The following MINDY3 variants were observed in gnomAD, a reference collection of about 807,000 sequenced individuals.
The protein encoded by MINDY3 is ubiquitin carboxyl-terminal hydrolase MINDY-3.
A neutral mutation model predicts 69.2 loss-of-function variants in MINDY3; 38 were observed. The observed-to-expected ratio is 0.55, with a 90% CI of 0.42 to 0.72. The LOEUF (loss-of-function observed/expected upper bound fraction) is 0.72, where lower values mean the gene tolerates loss of function less well. MINDY3 is among the 30% of genes least tolerant of loss of function. The probability of loss-of-function intolerance (pLI) is 0.00; values close to 1 mark genes in which losing one functional copy is unlikely to be tolerated. For missense variants in MINDY3, 522 were observed against 519.0 expected (o/e 1.01, Z -0.06); for synonymous variants, 192 against 180.1 (o/e 1.07, Z -0.53).
intron 10 of MINDY3, among the ~76,000 whole-genome samples, chr10:15,797,013 G>A (rs996151913): frequency 6.6e-6 from 1 of 152,034 alleles, no homozygotes; most frequent in African/African-American, 2.4e-5. Context: ...AAGTTTCCAA[G>A]TATCCCTTCC....
intron 8 of MINDY3, among the ~76,000 whole-genome samples, chr10:15,828,048 C>G (rs1840207017): frequency 1.3e-5 from 2 of 152,112 alleles, no homozygotes; most frequent in South Asian, 4.1e-4. Context: ...GAAGTTAAAC[C>G]TTATGAGTTA....
At chr10:15,847,161 C>T (rs536446427) in intron 2 of MINDY3, among the ~76,000 whole-genome samples, 3 of 152,294 alleles carry the variant, frequency 2.0e-5, no homozygotes, top group South Asian at 2.1e-4. Flanking sequence ...CAAAGTAACA[C>T]TGTCATTCAC....
intron 6 of MINDY3, among the ~76,000 whole-genome samples, chr10:15,836,842 T>G (rs1453392134): frequency 1.3e-5 from 2 of 150,712 alleles, no homozygotes; most frequent in African/African-American, 4.9e-5. Flanking sequence ...GAAAGAAAAC[T>G]CACACAGTGA....
chr10:15,852,786 A>T (rs1201066457), intron 1 of MINDY3, among the ~76,000 whole-genome samples: 1 of 152,152 alleles, frequency 6.6e-6, no homozygotes, highest in Non-Finnish European at 1.5e-5. Context: ...GGCCGTTCAT[A>T]TCCATAGGTT....
At chr10:15,846,082 CA>C (rs1833823311) in intron 2 of MINDY3, among the ~76,000 whole-genome samples, 2 of 152,032 alleles carry the variant, frequency 1.3e-5, no homozygotes, top group South Asian at 2.1e-4. Flanking sequence ...CTCGGCCTCC[CA>C]AAGTGCTGGG....
chr10:15,845,176 A>G (rs1284448232), intron 2 of MINDY3, among the ~76,000 whole-genome samples: 1 of 152,226 alleles, frequency 6.6e-6, no homozygotes, highest in Admixed American at 6.5e-5. Flanking sequence ...ATCTAAACTT[A>G]TCTTCCCTTC....
chr10:15,793,032 T>TGG (rs1426168336), intron 11 of MINDY3, among the ~76,000 whole-genome samples: 1 of 152,176 alleles, frequency 6.6e-6, no homozygotes, highest in Non-Finnish European at 1.5e-5. Context: ...GCGTAACGGA[T>TGG]GGAGCCATTT....
chr10:15,805,440 T>C (rs1352197278), intron 10 of MINDY3, among the ~76,000 whole-genome samples: 1 of 151,992 alleles, frequency 6.6e-6, no homozygotes, highest in Non-Finnish European at 1.5e-5. Flanking sequence ...CCTGAAAAAA[T>C]AAAGTTCCTC....
chr10:15,845,695 A>G (rs923013517), intron 2 of MINDY3, among the ~76,000 whole-genome samples: 2 of 149,792 alleles, frequency 1.3e-5, no homozygotes, highest in Admixed American at 6.7e-5. Context: ...TTTTTAGAGC[A>G]GGGGTCTCAC....
At chr10:15,858,933 T>TG (rs1834883855) in intron 1 of MINDY3, among the ~76,000 whole-genome samples, 1 of 151,978 alleles carries the variant, frequency 6.6e-6, no homozygotes, top group South Asian at 2.1e-4. Context: ...TAATTGAATG[T>TG]GAAAAAAAAG....
At position 15,822,907 on chromosome 10, in the gene MINDY3, G is replaced by C. The variant is rs149227341; in HGVS notation, c.731-1181C>G. The stretch of plus-strand genomic sequence containing the variant: ...CATACATTAATATAATAATATATTT[G>C]GGTCCATAATATATCTAAAAAGCAT... On this transcript the variant is annotated intron_variant, in intron 8 of 14. Coordinates refer to ENST00000277632, the MANE Select transcript of MINDY3 (RefSeq NM_024948.4). 1.8e-3 allele frequency among the ~76,000 whole-genome samples: 277 copies of C among 152,152 alleles called. 1 individual carries two copies. The highest frequency in any genetic ancestry group is 6.3e-3 in the African/African-American group (262 of 41,528).
At chr10:15,853,955 T>A (rs925643021) in intron 1 of MINDY3, among the ~76,000 whole-genome samples, 5 of 152,110 alleles carry the variant, frequency 3.3e-5, no homozygotes, top group Non-Finnish European at 7.4e-5. Context: ...TACAGATTGT[T>A]CCGATGACAT....
At chr10:15,780,622 T>G (rs1836452439) in intron 14 of MINDY3, among the ~76,000 whole-genome samples, 1 of 152,216 alleles carries the variant, frequency 6.6e-6, no homozygotes, top group Admixed American at 6.5e-5. Context: ...TCCTTTTGTC[T>G]GTTTCCTTTC....
chr10:15,822,187 G>A (rs1328552225), intron 8 of MINDY3, among the ~76,000 whole-genome samples: 1 of 152,134 alleles, frequency 6.6e-6, no homozygotes, highest in Non-Finnish European at 1.5e-5. Flanking sequence ...TTAAAACATG[G>A]ACATTTAATG....
At chr10:15,841,096 G>A (rs1408645140) in intron 4 of MINDY3, among the ~76,000 whole-genome samples, 2 of 151,228 alleles carry the variant, frequency 1.3e-5, no homozygotes, top group Admixed American at 1.3e-4. Context: ...CAATACCAAA[G>A]CAAAACATTA....
intron 5 of MINDY3, chr10:15,837,924 C>T (rs1833197721): frequency 1.1e-6 from 1 of 934,696 alleles, no homozygotes. Context: ...TACTAGAAAT[C>T]TTCATATTTG....
chr10:15,823,611 A>C (rs1409331440), intron 8 of MINDY3, among the ~76,000 whole-genome samples: 12 of 152,264 alleles, frequency 7.9e-5, no homozygotes, highest in African/African-American at 2.9e-4. Context: ...TTTAGGAGGT[A>C]AAAGTGAAAT....
intron 14 of MINDY3, among the ~76,000 whole-genome samples, chr10:15,781,746 A>C (rs949997016): frequency 2.0e-5 from 3 of 152,200 alleles, no homozygotes; most frequent in Non-Finnish European, 2.9e-5. Context: ...ATTTCGGGTA[A>C]ATGCTCAATA....
chr10:15,784,093 C>T (rs1836764902), intron 13 of MINDY3, among the ~76,000 whole-genome samples: 1 of 152,072 alleles, frequency 6.6e-6, no homozygotes, highest in African/African-American at 2.4e-5. Flanking sequence ...GAATCAGCTA[C>T]TAAGATACCT....
Sources: gnomAD v4.1 joint callset for allele counts (sites outside exome capture counted in the v4.1 genomes callset) on GRCh38, gnomAD v4.1.1 for gene constraint, MANE v1.5 for transcripts, NCBI Gene and HGNC (gene_info 2026-07-23, HGNC 2026-07-21) for gene names.